MAN1C1: variants seen among roughly 807,000 people sequenced by gnomAD.
MAN1C1 encodes mannosyl-oligosaccharide 1,2-alpha-mannosidase IC.
A neutral mutation model predicts 71.5 loss-of-function variants in MAN1C1; 49 were observed. The ratio of observed to expected loss-of-function variants is 0.69; its 90% CI spans 0.54 to 0.87. The LOEUF is 0.87. Ranked by LOEUF, MAN1C1 falls within the 40% of genes least tolerant of loss-of-function variation. MAN1C1 has a pLI of 0.00. For synonymous variants in MAN1C1, 352 were observed against 343.7 expected (o/e 1.02, Z -0.27); for missense variants, 743 against 835.0 (o/e 0.89, Z 1.36).
chr1:25,659,207 G>A (rs963918741), intron 1 of MAN1C1: 2 of 152,318 alleles, frequency 1.3e-5, no homozygotes, highest in Non-Finnish European at 2.9e-5. Context: ...CAGAGTCAAG[G>A]CTGTTTGGTT....
At position 25,778,327 on chromosome 1, in the gene MAN1C1, A is replaced by T. The variant is rs368058194; in HGVS notation, c.1477+3A>T. 6 of 1,604,454 alleles carry T rather than the reference A, an allele frequency of 3.7e-6. No homozygotes were observed. Among genetic ancestry groups the T allele is most frequent in the Non-Finnish European group, 5.1e-6 (6 of 1,173,710 alleles). ...TCACGAGTCATACGCCCGCTCAGGT[A>T]ACCCTGCAAGGGGAAGGGGCAGCAG... On this transcript the variant is annotated splice_donor_region_variant and intron_variant, in intron 9 of 11. Transcript: ENST00000374332. The surrounding 1 kb of genome is among the most constrained non-coding windows in gnomAD (Gnocchi z 5.5).
chr1:25,644,500 A>G (rs983777023), intron 1 of MAN1C1: 12 of 86,894 alleles, frequency 1.4e-4, no homozygotes, highest in African/African-American at 8.7e-4. Flanking sequence ...CCAGAGACAT[A>G]TATATATATA....
chr1:25,733,306 C>G (rs1014833076), intron 2 of MAN1C1, among the ~76,000 whole-genome samples: 5 of 152,170 alleles, frequency 3.3e-5, no homozygotes, highest in Admixed American at 2.0e-4. Flanking sequence ...AGCAGCCAGT[C>G]AGATCCAGTT....
At chr1:25,663,669 G>A (rs573574812) in intron 1 of MAN1C1, among the ~76,000 whole-genome samples, 2 of 152,280 alleles carry the variant, frequency 1.3e-5, no homozygotes, top group African/African-American at 4.8e-5. Context: ...GGGCACAGTG[G>A]GACGAATGGG....
At chr1:25,709,243 A>G (rs749649422) in intron 2 of MAN1C1, among the ~76,000 whole-genome samples, 30 of 152,200 alleles carry the variant, frequency 2.0e-4, no homozygotes, top group Non-Finnish European at 4.1e-4. Flanking sequence ...AGGGACACTC[A>G]GAGACCTGAT....
At chr1:25,728,034 G>A (rs1193519757) in intron 2 of MAN1C1, among the ~76,000 whole-genome samples, 1 of 152,254 alleles carries the variant, frequency 6.6e-6, no homozygotes, top group Non-Finnish European at 1.5e-5. Context: ...ATCAGAGAGA[G>A]GCTGGGAGGA....
intron 7 of MAN1C1, among the ~76,000 whole-genome samples, chr1:25,771,077 C>A (rs1012448200): frequency 2.0e-5 from 3 of 152,180 alleles, no homozygotes; most frequent in African/African-American, 7.2e-5. Flanking sequence ...GTCCAGCAGG[C>A]AGAGGCCACC....
intron 2 of MAN1C1, among the ~76,000 whole-genome samples, chr1:25,736,002 T>A (rs1280325542): frequency 1.3e-5 from 2 of 152,166 alleles, no homozygotes; most frequent in Admixed American, 6.5e-5. Context: ...GAGTGAAGAT[T>A]TGTTGAACAA....
chr1:25,693,609 C>T (rs923399880), intron 2 of MAN1C1, among the ~76,000 whole-genome samples: 4 of 152,058 alleles, frequency 2.6e-5, no homozygotes, highest in Non-Finnish European at 5.9e-5. Context: ...CCAGCTTGGG[C>T]GACAGAATGA....
intron 1 of MAN1C1, among the ~76,000 whole-genome samples, chr1:25,673,050 G>C (rs530176664): frequency 6.6e-6 from 1 of 152,232 alleles, no homozygotes; most frequent in South Asian, 2.1e-4. Flanking sequence ...AGAGGTGAAC[G>C]GGGAGGGGGA....
chr1:25,699,631 TG>T, intron 2 of MAN1C1, among the ~76,000 whole-genome samples: 1 of 152,276 alleles, frequency 6.6e-6, no homozygotes, highest in African/African-American at 2.4e-5. Flanking sequence ...TCACAGAGCG[TG>T]GGCGTCTGGC....
intron 1 of MAN1C1, among the ~76,000 whole-genome samples, chr1:25,679,597 T>TTAC (rs2046117586): frequency 1.3e-5 from 2 of 151,306 alleles, no homozygotes; most frequent in African/African-American, 2.4e-5. Context: ...TACGGAAAAG[T>TTAC]TACAAAAATC....
At chr1:25,767,300 C>G (rs1380596117) in intron 7 of MAN1C1, among the ~76,000 whole-genome samples, 1 of 144,264 alleles carries the variant, frequency 6.9e-6, no homozygotes, top group African/African-American at 2.6e-5. Flanking sequence ...CCTACTCTCC[C>G]CTCACACACC....
Position 25,711,392 on chromosome 1 carries a change from C to T in MAN1C1, c.637+24856C>T, listed in dbSNP as rs2124248877. The stretch of plus-strand genomic sequence containing the variant: ...CTATCACACCAGACTCCTTCCCACT[C>T]AGACATCTCTAAAGTCAAATCGCTC... On this transcript the variant is annotated intron_variant, in intron 2 of 11. Coordinates refer to ENST00000374332, the MANE Select transcript of MAN1C1 (RefSeq NM_020379.4). This position sits in a 1 kb window ranked among gnomAD's most constrained non-coding sequence, Gnocchi z 4.3. 6.6e-6 allele frequency among the ~76,000 whole-genome samples: 1 copy of T among 152,286 alleles called. No individual in the cohort carries two copies. Among genetic ancestry groups the T allele is most frequent in the South Asian group, 2.1e-4 (1 of 4,826 alleles).
chr1:25,724,195 A>G (rs1002023369), intron 2 of MAN1C1, among the ~76,000 whole-genome samples: 1 of 151,906 alleles, frequency 6.6e-6, no homozygotes, highest in Non-Finnish European at 1.5e-5. Flanking sequence ...CGCCCGGCTA[A>G]TTTTTGTATT....
chr1:25,681,057 C>A (rs1213949569), intron 1 of MAN1C1, among the ~76,000 whole-genome samples: 2 of 150,984 alleles, frequency 1.3e-5, no homozygotes, highest in Non-Finnish European at 3.0e-5. Flanking sequence ...CCCTTCTCTA[C>A]TAAAAATAAA....
intron 2 of MAN1C1, chr1:25,709,814 C>T (rs747251613): frequency 1.3e-5 from 2 of 152,160 alleles, no homozygotes; most frequent in Admixed American, 6.5e-5. Context: ...GGCATAGTCT[C>T]GGCTCACTGC....
chr1:25,639,886 G>T (rs1344861538), intron 1 of MAN1C1, among the ~76,000 whole-genome samples: 1 of 152,116 alleles, frequency 6.6e-6, no homozygotes, highest in African/African-American at 2.4e-5. Flanking sequence ...TTGCTCATCT[G>T]CTTTTAGCTG....
intron 1 of MAN1C1, among the ~76,000 whole-genome samples, chr1:25,673,924 G>A (rs2046028859): frequency 6.6e-6 from 1 of 152,238 alleles, no homozygotes; most frequent in African/African-American, 2.4e-5. Context: ...ACATGGGCAG[G>A]TTTTGTTGAA....
Sources: gnomAD v4.1 joint callset for allele counts (sites outside exome capture counted in the v4.1 genomes callset) on GRCh38, gnomAD v4.1.1 for gene constraint, Gnocchi (gnomAD v3.1) non-coding constraint, MANE v1.5 for transcripts, NCBI Gene and HGNC (gene_info 2026-07-23, HGNC 2026-07-21) for gene names.